The following MACF1 variants were observed in gnomAD, a reference collection of about 807,000 sequenced individuals.
MACF1 encodes microtubule-actin cross-linking factor 1.
In MACF1, 193 loss-of-function variants were observed where a neutral mutation model predicts 854.8. The ratio of observed to expected loss-of-function variants is 0.23; its 90% CI spans 0.20 to 0.25. The LOEUF is 0.25. Ranked by LOEUF, MACF1 falls within the 10% of genes least tolerant of loss-of-function variation. The probability of loss-of-function intolerance (pLI) is 1.00; values close to 1 mark genes in which losing one functional copy is unlikely to be tolerated. For missense variants in MACF1, 7,722 were observed against 8,929.1 expected (o/e 0.86, Z 5.45); for synonymous variants, 3,185 against 3,226.7 (o/e 0.99, Z 0.44).
At chr1:39,346,575 A>G (rs1330935187) in intron 40 of MACF1, among the ~76,000 whole-genome samples, 1 of 147,114 alleles carries the variant, frequency 6.8e-6, no homozygotes, top group Admixed American at 6.9e-5. Context: ...GCTGGAGTGC[A>G]GTAGTGCAGT....
intron 58 of MACF1, among the ~76,000 whole-genome samples, chr1:39,421,162 G>A (rs569807617): frequency 6.6e-6 from 1 of 152,284 alleles, no homozygotes; most frequent in East Asian, 1.9e-4. Flanking sequence ...ACTGTGCCCG[G>A]CCACTTCATA....
chr1:39,360,012 A>AAAAAATATATATAT (rs1557608845), intron 47 of MACF1, among the ~76,000 whole-genome samples: 1 of 28,828 alleles, frequency 3.5e-5, no homozygotes, highest in Non-Finnish European at 6.4e-5. Flanking sequence ...AAAAAAAAAA[A>AAAAAATATATATAT]ATATATATAT....
chr1:39,179,672 C>T (rs1214840579), intron 2 of MACF1, among the ~76,000 whole-genome samples: 1 of 152,004 alleles, frequency 6.6e-6, no homozygotes, highest in Non-Finnish European at 1.5e-5. Flanking sequence ...CTCGGTTAGC[C>T]TTTTGCCTGT....
intron 49 of MACF1, among the ~76,000 whole-genome samples, chr1:39,364,977 GAAGTATGAA>G (rs2148525734): frequency 6.6e-6 from 1 of 152,048 alleles, no homozygotes; most frequent in African/African-American, 2.4e-5. Flanking sequence ...AGCTTATTCT[GAAGTATGAA>G]TCATGTTACC....
chr1:39,450,736 C>T (rs1368439869), intron 84 of MACF1, among the ~76,000 whole-genome samples: 1 of 151,560 alleles, frequency 6.6e-6, no homozygotes, highest in East Asian at 1.9e-4. Flanking sequence ...CTCAGCTTCC[C>T]GAGTAGCTGG....
intron 2 of MACF1, among the ~76,000 whole-genome samples, chr1:39,117,505 A>G (rs970090707): frequency 6.6e-6 from 1 of 150,956 alleles, no homozygotes; most frequent in Admixed American, 6.6e-5. Flanking sequence ...TGGCTTGTCC[A>G]GTGCAATTTG....
chr1:39,085,985 A>C (rs1641665036), intron 2 of MACF1, among the ~76,000 whole-genome samples: 1 of 152,012 alleles, frequency 6.6e-6, no homozygotes, highest in Admixed American at 6.6e-5. Flanking sequence ...GTGGTATCCA[A>C]AGCTTCCTCC....
At chr1:39,264,839 A>T (rs1645212024) in intron 6 of MACF1, among the ~76,000 whole-genome samples, 1 of 151,212 alleles carries the variant, frequency 6.6e-6, no homozygotes. Context: ...GCGCCCGGCT[A>T]ATTTTTTGTA....
rs150229974 is a variant in MACF1 at position 39,281,966 on chromosome 1, A to G, written c.529-242A>G. On this transcript the variant is annotated intron_variant, in intron 6 of 100. Coordinates refer to ENST00000564288, the MANE Select transcript of MACF1 (RefSeq NM_001394062.1). ...ATACCCAGTTGTAGATCTTCTCTCC[A>G]ATCGTGAATAATATCATTAAAAACA... is the stretch of plus-strand genomic sequence containing the variant. Among the ~76,000 whole-genome samples the G allele has an allele frequency of 1.5e-3, 231 of 152,156 alleles. 1 individual carries two copies. The Middle Eastern group carries it at 0.037, about 25-fold the overall frequency.
chr1:39,457,531 A>G (rs1644465231), intron 89 of MACF1: 1 of 152,310 alleles, frequency 6.6e-6, no homozygotes, highest in Admixed American at 6.5e-5. Context: ...GGGTCTGATC[A>G]TGTCTCTTAC....
chr1:39,272,932 CCTT>C (rs1048935924), intron 6 of MACF1, among the ~76,000 whole-genome samples: 7 of 145,868 alleles, frequency 4.8e-5, no homozygotes, highest in African/African-American at 1.5e-4. Context: ...CAGACAAAGG[CCTT>C]CTTCTCTGGC....
At chr1:39,191,772 A>G (rs529070225) in intron 2 of MACF1, among the ~76,000 whole-genome samples, 1 of 152,304 alleles carries the variant, frequency 6.6e-6, no homozygotes, top group South Asian at 2.1e-4. Flanking sequence ...CTGTTTCTGC[A>G]TTGCCACCTG....
intron 2 of MACF1, among the ~76,000 whole-genome samples, chr1:39,099,348 G>T (rs562782655): frequency 1.3e-5 from 2 of 152,142 alleles, no homozygotes; most frequent in African/African-American, 4.8e-5. Flanking sequence ...GTAGAGACGC[G>T]GTTTCACCAT....
At chr1:39,217,161 A>T (rs1644586346) in intron 1 of MACF1, among the ~76,000 whole-genome samples, 2 of 152,210 alleles carry the variant, frequency 1.3e-5, no homozygotes, top group Admixed American at 6.5e-5. Flanking sequence ...GCTAGCATTT[A>T]TTAACTTATT....
At chr1:39,276,974 G>T (rs1645449264) in intron 6 of MACF1, among the ~76,000 whole-genome samples, 1 of 152,052 alleles carries the variant, frequency 6.6e-6, no homozygotes, top group African/African-American at 2.4e-5. Context: ...CAAAAAAGAG[G>T]AATGAAAAAT....
chr1:39,138,493 G>A (rs1239800297), intron 2 of MACF1, among the ~76,000 whole-genome samples: 1 of 151,510 alleles, frequency 6.6e-6, no homozygotes, highest in Non-Finnish European at 1.5e-5. Flanking sequence ...GCTGAGGTGG[G>A]AGAATGGCGT....
chr1:39,482,633 TA>T (rs1295509659), intron 99 of MACF1, among the ~76,000 whole-genome samples: 1 of 151,706 alleles, frequency 6.6e-6, no homozygotes, highest in Non-Finnish European at 1.5e-5. Context: ...CCATCTCTAC[TA>T]AAAATACAGA....
At position 39,299,391 on chromosome 1, in the gene MACF1, T is replaced by C. The variant is rs186265917; in HGVS notation, c.2482-819T>C. ...AGAAAGCCCTCTTCTGGGGAGACTT[T>C]TATACCTCAAAATGGGCTTGAAACA... is the stretch of plus-strand genomic sequence containing the variant. On this transcript the variant is annotated intron_variant, in intron 21 of 100. Transcript: ENST00000564288. 14 of 398,328 alleles carry C rather than the reference T, an allele frequency of 3.5e-5. No homozygotes were observed. In the East Asian group the frequency reaches 1.0e-3, roughly 29 times the overall value. 24.7% of individuals were successfully genotyped at this position (398,328 alleles called of 1,614,324 possible).
intron 23 of MACF1, among the ~76,000 whole-genome samples, chr1:39,306,182 C>T (rs1278065667): frequency 2.0e-5 from 3 of 148,832 alleles, no homozygotes; most frequent in East Asian, 2.0e-4. Context: ...TGGTTTGAGA[C>T]GGAGTCTCCC....
Sources: allele counts gnomAD v4.1 joint callset (sites outside exome capture counted in the v4.1 genomes callset), GRCh38; gene constraint gnomAD v4.1.1; transcripts MANE v1.5; gene names NCBI Gene and HGNC (gene_info 2026-07-23, HGNC 2026-07-21).